TRAP1: variants seen among roughly 807,000 people sequenced by gnomAD.
TRAP1 encodes the protein TNF receptor associated protein 1.
A neutral mutation model predicts 89.1 loss-of-function variants in TRAP1; 102 were observed. The observed-to-expected ratio is 1.15, with a 90% CI of 0.98 to 1.35. The LOEUF (loss-of-function observed/expected upper bound fraction) is 1.35, where lower values mean the gene tolerates loss of function less well. Ranked by LOEUF, TRAP1 falls within the 40% of genes most tolerant of loss-of-function variation. The probability of loss-of-function intolerance (pLI) is 0.00; values close to 1 mark genes in which losing one functional copy is unlikely to be tolerated. For synonymous variants in TRAP1, 508 were observed against 388.0 expected (o/e 1.31, Z -3.64); for missense variants, 1,256 against 945.3 (o/e 1.33, Z -4.31).
intron 17 of TRAP1, 119 bp downstream of exon 17, chr16:3,658,674 A>G: frequency 1.0e-6 from 1 of 983,302 alleles, no homozygotes. Context: ...TCCATCTCAA[A>G]AAACAAACAA....
At chr16:3,706,929 G>A (rs551422631) in intron 1 of TRAP1, among the ~76,000 whole-genome samples, 2 of 152,174 alleles carry the variant, frequency 1.3e-5, no homozygotes, top group African/African-American at 2.4e-5. Context: ...CGGTTTGACT[G>A]TGTGAGGAGC....
At chr16:3,666,190 A>G (rs989703621) in intron 11 of TRAP1, 72 bp from the exon 12 acceptor site, 2 of 1,525,960 alleles carry the variant, frequency 1.3e-6, no homozygotes, top group Non-Finnish European at 1.8e-6. Flanking sequence ...GGGTACGAAA[A>G]AATGTTCAGC....
chr16:3,700,704 G>T (rs911106665), intron 1 of TRAP1, among the ~76,000 whole-genome samples: 7 of 152,108 alleles, frequency 4.6e-5, no homozygotes, highest in African/African-American at 1.7e-4. Flanking sequence ...GGGCTCAAGG[G>T]ATCCTCCTGC....
Position 3,662,983 on chromosome 16 carries a change from C to G in TRAP1, c.1709-16G>C, listed in dbSNP as rs181018245. On this transcript the variant is annotated splice_polypyrimidine_tract_variant and intron_variant, in intron 14 of 17. Transcript: ENST00000246957. ...CACTCGGCGGCTGCGGAAGAGCAGGCGACAGGGAGCTCAGGCCTGCATCCC... is the reference window on the plus strand; with the variant it reads ...CACTCGGCGGCTGCGGAAGAGCAGGGGACAGGGAGCTCAGGCCTGCATCCC... 1.3e-6 allele frequency: 2 copies of G among 1,585,740 alleles called. No homozygotes were observed. Among genetic ancestry groups the G allele is most frequent in the Admixed American group, 1.7e-5 (1 of 57,188 alleles).
chr16:3,660,432 T>A (rs983951837), intron 16 of TRAP1: 4 of 152,234 alleles, frequency 2.6e-5, no homozygotes, highest in African/African-American at 9.7e-5. Context: ...ATGGCGCCAC[T>A]GGTACACTCC....
chr16:3,694,867 T>C (rs769065311), intron 1 of TRAP1, among the ~76,000 whole-genome samples: 3 of 152,080 alleles, frequency 2.0e-5, no homozygotes, highest in Admixed American at 6.6e-5. Context: ...AGACACTTAT[T>C]CTCTCACAGT....
intron 16 of TRAP1, 105 bp from the exon 17 acceptor site, chr16:3,658,970 G>A (rs1282540350): frequency 2.6e-6 from 3 of 1,154,848 alleles, no homozygotes; most frequent in Non-Finnish European, 3.8e-6. Context: ...CAGTAAGACT[G>A]TCTGTAGTTT....
At chr16:3,674,775 C>T (rs1215427008) in intron 8 of TRAP1, 39 of 494,808 alleles carry the variant, frequency 7.9e-5, no homozygotes, top group Non-Finnish European at 1.1e-4. Context: ...CGCTGCCCAG[C>T]AGGGGCGAGC....
rs964216816 is a variant in TRAP1 at position 3,698,686 on chromosome 16, C to G, written c.89-7701G>C. ...CTTTGGGAGGCCAAGGCCGGGGGGTCGCTTCAGCTCAGGAGTTTGAAATTA... is the reference window on the plus strand; with the variant it reads ...CTTTGGGAGGCCAAGGCCGGGGGGTGGCTTCAGCTCAGGAGTTTGAAATTA... On this transcript the variant is annotated intron_variant, in intron 1 of 17. Coordinates refer to ENST00000246957, the MANE Select transcript of TRAP1 (RefSeq NM_016292.3). Among the ~76,000 whole-genome samples, 11 of 151,970 alleles carry G rather than the reference C, an allele frequency of 7.2e-5. No homozygotes were observed. In the East Asian group the frequency reaches 2.0e-3, roughly 27 times the overall value.
intron 1 of TRAP1, among the ~76,000 whole-genome samples, chr16:3,707,268 C>G (rs1337564926): frequency 9.4e-5 from 14 of 149,066 alleles, no homozygotes; most frequent in Admixed American, 4.0e-4. Flanking sequence ...TCACTGCAAG[C>G]TCCGCCTCCC....
intron 3 of TRAP1, among the ~76,000 whole-genome samples, chr16:3,687,878 C>A (rs1468608): frequency 0.55 from 76,074 of 137,666 alleles, 21,604 homozygotes; most frequent in African/African-American, 0.7. Context: ...AAAAAAAAAA[C>A]AAAAACCCAC....
intron 1 of TRAP1, among the ~76,000 whole-genome samples, chr16:3,693,857 G>C (rs1442309006): frequency 2.0e-5 from 3 of 152,094 alleles, no homozygotes. Flanking sequence ...GCCAGGTGTA[G>C]TGGTGTGCAC....
chr16:3,707,330 C>T (rs1430196513), intron 1 of TRAP1, among the ~76,000 whole-genome samples: 17 of 151,080 alleles, frequency 1.1e-4, no homozygotes, highest in African/African-American at 3.9e-4. Flanking sequence ...GGACTACAGG[C>T]GCCCACCACC....
chr16:3,696,833 C>A (rs2051293969), intron 1 of TRAP1, among the ~76,000 whole-genome samples: 1 of 151,474 alleles, frequency 6.6e-6, no homozygotes, highest in South Asian at 2.1e-4. Context: ...TTCAAGTGAT[C>A]CTCCCACCTC....
chr16:3,663,273 C>T (rs1301590113), intron 14 of TRAP1, 151 bp downstream of exon 14: 5 of 1,008,148 alleles, frequency 5.0e-6, no homozygotes, highest in Non-Finnish European at 7.1e-6. Context: ...CACCTTCCTC[C>T]AGTCACCAGG....
chr16:3,686,182 C>G, intron 3 of TRAP1, 46 bp from the exon 4 acceptor site: 1 of 1,600,438 alleles, frequency 6.2e-7, no homozygotes, highest in Admixed American at 1.7e-5. Flanking sequence ...GGACACTCAT[C>G]CTGCAGGATC....
At chr16:3,707,664 G>A (rs2051467657) in intron 1 of TRAP1, among the ~76,000 whole-genome samples, 1 of 148,618 alleles carries the variant, frequency 6.7e-6, no homozygotes, top group African/African-American at 2.5e-5. Context: ...GACCAGCCTG[G>A]CCAACATGGT....
intron 11 of TRAP1, among the ~76,000 whole-genome samples, chr16:3,670,411 A>AAAAAAAAAAAAAAAAAC (rs2050897453): frequency 6.9e-6 from 1 of 144,328 alleles, no homozygotes. Flanking sequence ...AAAAAAAAAA[A>AAAAAAAAAAAAAAAAAC]TCTAAGTGGC....
In TRAP1 at chr16:3,679,795, G is replaced by A. The variant is rs773865839; in HGVS notation, c.472-5C>T. 3 of 1,613,994 alleles carry A rather than the reference G, an allele frequency of 1.9e-6. No individual in the cohort carries two copies. The highest frequency in any genetic ancestry group is 2.2e-5 in the East Asian group (1 of 44,884). ...TGTCATCCCGATACCAGTATCCTGA[G>A]GAGAGAGACGCACTAAGTGCCAAGC... On this transcript the variant is annotated splice_polypyrimidine_tract_variant and splice_region_variant and intron_variant, in intron 4 of 17. Coordinates refer to ENST00000246957, the MANE Select transcript of TRAP1 (RefSeq NM_016292.3).
Sources: allele counts gnomAD v4.1 joint callset (sites outside exome capture counted in the v4.1 genomes callset), GRCh38; gene constraint gnomAD v4.1.1; transcripts MANE v1.5; gene names NCBI Gene and HGNC (gene_info 2026-07-23, HGNC 2026-07-21).